GTF2F2: variants seen among roughly 807,000 people sequenced by gnomAD.
The protein encoded by GTF2F2 is ATP-dependent helicase GTF2F2.
GTF2F2 carries 23 observed loss-of-function variants against 42.2 expected under a neutral mutation model. The observed-to-expected ratio is 0.55, with a 90% CI of 0.39 to 0.77. GTF2F2 has a LOEUF of 0.77. Ranked by LOEUF, GTF2F2 falls within the 30% of genes least tolerant of loss-of-function variation. GTF2F2 has a pLI of 0.00. For synonymous variants in GTF2F2, 105 were observed against 100.8 expected (o/e 1.04, Z -0.25); for missense variants, 261 against 287.2 (o/e 0.91, Z 0.66).
At chr13:45,255,319 AAATG>A (rs1460939030) in intron 6 of GTF2F2, among the ~76,000 whole-genome samples, 1 of 152,232 alleles carries the variant, frequency 6.6e-6, no homozygotes, top group African/African-American at 2.4e-5. Context: ...TAGATATCTT[AAATG>A]AGTGGAACAA....
intron 5 of GTF2F2, among the ~76,000 whole-genome samples, chr13:45,249,478 T>C (rs1258772388): frequency 6.6e-6 from 1 of 152,270 alleles, no homozygotes; most frequent in African/African-American, 2.4e-5. Context: ...CTTTTAGAAT[T>C]GTAGAATTAA....
In GTF2F2 at chr13:45,149,770, G is replaced by A. The variant is rs1870391281; in HGVS notation, c.141G>A (p.Lys47=). 2 of 1,508,108 alleles carry A rather than the reference G, an allele frequency of 1.3e-6. No individual in the cohort carries two copies. Among genetic ancestry groups the A allele is most frequent in the Non-Finnish European group, 8.9e-7 (1 of 1,121,792 alleles). The allele number at this position is 1,508,108 out of a possible 1,614,324, so 93.4% of individuals were successfully genotyped here. A position where few individuals can be genotyped will look rare whatever the true frequency, so the allele number is the denominator to read the frequency against. ...RGEVGKLRIA[K]TQGRTEVSFT... The stretch of plus-strand genomic sequence containing the variant: ...AAATATTTCTTTTCCTCTCCTTTAG[G>A]ACTCAAGGAAGGACTGAGGTAAGAT... Residue 47 remains lysine (K), a splice_region_variant and synonymous_variant, in exon 3 of 8, where the codon AAG becomes AAA. Transcript: ENST00000340473.
At chr13:45,166,356 T>A (rs1871297585) in intron 4 of GTF2F2, among the ~76,000 whole-genome samples, 2 of 152,174 alleles carry the variant, frequency 1.3e-5, no homozygotes, top group African/African-American at 4.8e-5. Flanking sequence ...GGTTATAGCA[T>A]CCCCTGGTGA....
At chr13:45,223,271 A>G (rs1212990053) in intron 5 of GTF2F2, among the ~76,000 whole-genome samples, 2 of 150,684 alleles carry the variant, frequency 1.3e-5, no homozygotes, top group African/African-American at 4.9e-5. Flanking sequence ...ATAAAAAAAA[A>G]AAAAAAAAAA....
chr13:45,194,497 G>T (rs1451584077), intron 4 of GTF2F2: 2 of 1,613,954 alleles, frequency 1.2e-6, no homozygotes, highest in African/African-American at 2.7e-5. Flanking sequence ...TCCTTGATCA[G>T]TATCTTCCAG....
intron 5 of GTF2F2, among the ~76,000 whole-genome samples, chr13:45,209,625 C>T (rs1873553601): frequency 6.6e-6 from 1 of 152,096 alleles, no homozygotes; most frequent in Admixed American, 6.5e-5. Context: ...GTGTGTGGTT[C>T]TGTAAGCCTG....
chr13:45,162,078 A>G (rs1268306130), intron 4 of GTF2F2, among the ~76,000 whole-genome samples: 6 of 152,160 alleles, frequency 3.9e-5, no homozygotes, highest in Admixed American at 1.3e-4. Context: ...AAAAATCTTC[A>G]TTTTGCAGAT....
intron 3 of GTF2F2, among the ~76,000 whole-genome samples, chr13:45,151,432 G>A (rs79127508): frequency 0.029 from 4,351 of 151,940 alleles, 189 homozygotes; most frequent in African/African-American, 0.093. Flanking sequence ...TGTTCATAGT[G>A]AGCTACAGCC....
chr13:45,120,512 C>T lies in GTF2F2; in HGVS notation c.-144C>T, dbSNP rs1220366465. On this transcript the variant is annotated 5_prime_UTR_variant, in exon 1 of 8. Coordinates refer to ENST00000340473, the MANE Select transcript of GTF2F2 (RefSeq NM_004128.3). Reference sequence around the variant, plus strand: ...CCTGGCGGCGTGTTCCTCTTTTCCTCGGTTCCCAGTGTTCTGGCAGGTAAG... The same window carrying T: ...CCTGGCGGCGTGTTCCTCTTTTCCTTGGTTCCCAGTGTTCTGGCAGGTAAG... The T allele has an allele frequency of 3.2e-6, 2 of 625,780 alleles. No individual in the cohort carries two copies. The highest frequency in any genetic ancestry group is 5.7e-6 in the Non-Finnish European group (2 of 348,684). 38.8% of individuals were successfully genotyped at this position (625,780 alleles called of 1,614,324 possible).
intron 4 of GTF2F2, among the ~76,000 whole-genome samples, chr13:45,195,431 CTG>C (rs1399007365): frequency 1.3e-5 from 2 of 152,082 alleles, no homozygotes; most frequent in Non-Finnish European, 2.9e-5. Context: ...AATACTGTGA[CTG>C]TGTATGTGCA....
chr13:45,127,616 A>C (rs1253550520), intron 1 of GTF2F2, among the ~76,000 whole-genome samples: 1 of 151,162 alleles, frequency 6.6e-6, no homozygotes, highest in Non-Finnish European at 1.5e-5. Context: ...GGATTATGGC[A>C]TGAGCCACCA....
At chr13:45,265,331 AT>A (rs1876520455) in intron 6 of GTF2F2, among the ~76,000 whole-genome samples, 2 of 151,216 alleles carry the variant, frequency 1.3e-5, no homozygotes, top group African/African-American at 2.4e-5. Context: ...ATTCATTTGC[AT>A]TTTTTTTAAG....
intron 4 of GTF2F2, among the ~76,000 whole-genome samples, chr13:45,192,053 C>T (rs1352094620): frequency 1.3e-5 from 2 of 151,904 alleles, no homozygotes; most frequent in Admixed American, 1.3e-4. Flanking sequence ...AGTCCAAATG[C>T]CAAGGAAAAG....
At chr13:45,138,865 T>G (rs1162113124) in intron 2 of GTF2F2, among the ~76,000 whole-genome samples, 1 of 152,194 alleles carries the variant, frequency 6.6e-6, no homozygotes, top group Non-Finnish European at 1.5e-5. Flanking sequence ...AAGCTGGTCT[T>G]GAACTCCTGA....
chr13:45,163,729 G>A (rs1270148514), intron 4 of GTF2F2, among the ~76,000 whole-genome samples: 2 of 152,064 alleles, frequency 1.3e-5, no homozygotes, highest in Non-Finnish European at 2.9e-5. Context: ...TTGAGCATAA[G>A]GGTACCATTA....
chr13:45,199,813 A>G (rs1873086663), intron 4 of GTF2F2, among the ~76,000 whole-genome samples: 1 of 152,202 alleles, frequency 6.6e-6, no homozygotes, highest in African/African-American at 2.4e-5. Flanking sequence ...CTGTTACCGT[A>G]TACTAGCGCC....
At chr13:45,258,714 T>C (rs1008550804) in intron 6 of GTF2F2, among the ~76,000 whole-genome samples, 1 of 152,260 alleles carries the variant, frequency 6.6e-6, no homozygotes, top group African/African-American at 2.4e-5. Context: ...CAAAACTTAC[T>C]CTTAAAATTA....
At chr13:45,280,905 G>A (rs1877235824) in intron 7 of GTF2F2, among the ~76,000 whole-genome samples, 1 of 152,156 alleles carries the variant, frequency 6.6e-6, no homozygotes. Context: ...TTGTATGGTT[G>A]TTTGTGCAAC....
chr13:45,159,471 A>C (rs1566118130), intron 4 of GTF2F2, among the ~76,000 whole-genome samples: 1 of 152,170 alleles, frequency 6.6e-6, no homozygotes, highest in Non-Finnish European at 1.5e-5. Flanking sequence ...GCTCACTGCA[A>C]CCTCCGCCTC....
Sources: gnomAD v4.1 joint callset for allele counts (sites outside exome capture counted in the v4.1 genomes callset) on GRCh38, gnomAD v4.1.1 for gene constraint, MANE v1.5 for transcripts, NCBI Gene and HGNC (gene_info 2026-07-23, HGNC 2026-07-21) for gene names.